Variants in PDE4D observed in about 807,000 individuals in gnomAD.
PDE4D encodes the protein 3',5'-cyclic-AMP phosphodiesterase 4D.
A neutral mutation model predicts 87.4 loss-of-function variants in PDE4D; 24 were observed. That is an observed-to-expected ratio of 0.27 (90% CI 0.20 to 0.39). The LOEUF is 0.39. Among genes scored for constraint, PDE4D ranks in the 10% least tolerant of loss-of-function variants. PDE4D has a pLI of 1.00. For missense variants in PDE4D, 714 were observed against 1,041.0 expected (o/e 0.69, Z 4.32); for synonymous variants, 384 against 383.2 (o/e 1.00, Z -0.02).
chr5:59,944,565 G>T (rs1173377350), intron 3 of PDE4D, among the ~76,000 whole-genome samples: 2 of 152,132 alleles, frequency 1.3e-5, no homozygotes, highest in Admixed American at 6.5e-5. Context: ...TAGAGACAGG[G>T]TTTCACCGTG....
intron 1 of PDE4D, among the ~76,000 whole-genome samples, chr5:60,230,412 G>A (rs1449037191): frequency 6.6e-6 from 1 of 152,056 alleles, no homozygotes; most frequent in East Asian, 1.9e-4. Context: ...GATGTCCTTT[G>A]CAAAGTGGAA....
In PDE4D at chr5:60,022,585, CTCTG is replaced by C. The variant is rs770475501; in HGVS notation, c.43-33872_43-33869del. On this transcript the variant is annotated intron_variant, in intron 2 of 16. Transcript: ENST00000502484. ...GTTCTTGAGAGCATCCCAGCTCTCT[CTCTG>C]TCTAAGATGTCACATCCCTCATTAC... The C allele has an allele frequency of 6.6e-5, 10 of 152,326 alleles. No homozygotes were observed. In the East Asian group the frequency reaches 1.7e-3, roughly 26 times the overall value. The allele number at this position is 152,326 out of a possible 1,614,324, so 9.4% of individuals were successfully genotyped here.
chr5:60,205,656 C>T (rs1386120980), intron 1 of PDE4D, among the ~76,000 whole-genome samples: 5 of 151,764 alleles, frequency 3.3e-5, no homozygotes, highest in Non-Finnish European at 7.4e-5. Flanking sequence ...GAGGCCAAGG[C>T]GGGTGGATCA....
At chr5:60,069,755 C>A (rs138776357) in intron 2 of PDE4D, among the ~76,000 whole-genome samples, 199 of 151,998 alleles carry the variant, frequency 1.3e-3, no homozygotes, top group African/African-American at 4.6e-3. Flanking sequence ...TGCATTGAAT[C>A]TGTAGATTTC....
chr5:59,394,080 C>T (rs1197548204), intron 1 of PDE4D, among the ~76,000 whole-genome samples: 3 of 152,142 alleles, frequency 2.0e-5, no homozygotes, highest in Admixed American at 2.0e-4. Context: ...CTTTAGTGAT[C>T]TCAAGTGGTT....
intron 2 of PDE4D, 38 bp downstream of exon 2, chr5:59,215,739 A>T: frequency 6.4e-7 from 1 of 1,561,238 alleles, no homozygotes; most frequent in South Asian, 1.1e-5. Flanking sequence ...ATATAAATTT[A>T]CTCGGTTTTC....
chr5:59,393,106 T>C (rs1399335175), intron 1 of PDE4D, among the ~76,000 whole-genome samples: 1 of 152,136 alleles, frequency 6.6e-6, no homozygotes, highest in African/African-American at 2.4e-5. Context: ...TGTTAATTTC[T>C]GATGTAAAAG....
In PDE4D at chr5:60,065,474, A is replaced by G. The variant is rs1771947124; in HGVS notation, c.43-76757T>C. On this transcript the variant is annotated intron_variant, in intron 2 of 16. Transcript: ENST00000502484. ...TATTATACTCTAAGTTTTAGGGTAC[A>G]TGTGTACAATGTGCAGGTTAGTTAC... Among the ~76,000 whole-genome samples the G allele has an allele frequency of 1.3e-5, 2 of 152,078 alleles. 1 individual carries two copies. The highest frequency in any genetic ancestry group is 4.1e-4 in the South Asian group (2 of 4,832).
rs143028983 is a variant in PDE4D, at chr5:60,288,000, AAAT to A, written c.-89-102316_-89-102314del. On this transcript the variant is annotated intron_variant, in intron 1 of 16. Coordinates refer to the PDE4D transcript ENST00000502484. Reference sequence around the variant, plus strand: ...TAGCATCAATATTGTACCTAGAGCTAAATAAAATATTGATTTAACTAAATCATA... The same window carrying A: ...TAGCATCAATATTGTACCTAGAGCTAAAAATATTGATTTAACTAAATCATA... Among the ~76,000 whole-genome samples the A allele has an allele frequency of 2.1e-3, 326 of 152,336 alleles. 1 individual carries two copies. The highest frequency in any genetic ancestry group is 7.6e-3 in the African/African-American group (315 of 41,586).
intron 2 of PDE4D, among the ~76,000 whole-genome samples, chr5:60,166,127 C>A (rs150025927): frequency 6.6e-6 from 1 of 152,236 alleles, no homozygotes; most frequent in African/African-American, 2.4e-5. Flanking sequence ...CTGAGTCTTG[C>A]TCTGTCGCCC....
intron 1 of PDE4D, among the ~76,000 whole-genome samples, chr5:60,424,361 T>G (rs1447740503): frequency 6.6e-6 from 1 of 152,238 alleles, no homozygotes. Flanking sequence ...ATCCCAGGGA[T>G]GCAAGGCTGG....
chr5:59,538,834 C>A (rs943044386), intron 1 of PDE4D, among the ~76,000 whole-genome samples: 1 of 152,188 alleles, frequency 6.6e-6, no homozygotes, highest in African/African-American at 2.4e-5. Context: ...GTCCTCTCTG[C>A]ACCCTAAACT....
At chr5:59,762,253 CACATATGCGTATATGT>C (rs1475886071) in intron 1 of PDE4D, among the ~76,000 whole-genome samples, 2 of 126,666 alleles carry the variant, frequency 1.6e-5, no homozygotes, top group Non-Finnish European at 3.4e-5. Flanking sequence ...TATATGGGTA[CACATATGCGTATATGT>C]GTATATGGGT....
At chr5:59,025,045 T>G (rs1755947893) in intron 6 of PDE4D, among the ~76,000 whole-genome samples, 1 of 152,198 alleles carries the variant, frequency 6.6e-6, no homozygotes. Context: ...AATTAGGACT[T>G]TAGTTTTCCT....
At chr5:59,386,080 T>C (rs1349645542) in intron 1 of PDE4D, among the ~76,000 whole-genome samples, 2 of 152,178 alleles carry the variant, frequency 1.3e-5, no homozygotes, top group African/African-American at 4.8e-5. Context: ...AGCCTTCTCT[T>C]CCATTCTCAC....
chr5:59,860,959 A>T (rs1447046334), intron 1 of PDE4D, among the ~76,000 whole-genome samples: 2 of 151,838 alleles, frequency 1.3e-5, no homozygotes, highest in African/African-American at 4.8e-5. Flanking sequence ...CCCGGGTTCA[A>T]GCGATTCTCC....
chr5:59,428,617 T>C (rs192381143), intron 1 of PDE4D, among the ~76,000 whole-genome samples: 1 of 152,278 alleles, frequency 6.6e-6, no homozygotes, highest in East Asian at 1.9e-4. Flanking sequence ...CCATTCCAAG[T>C]GTATTGTTTT....
rs190904226 is a variant in PDE4D at position 60,020,008 on chromosome 5, T to C, written c.43-31291A>G. 1.2e-3 allele frequency among the ~76,000 whole-genome samples: 190 copies of C among 152,314 alleles called. 2 individuals are homozygous for C. The highest frequency in any genetic ancestry group is 0.011 in the Admixed American group (172 of 15,294). On this transcript the variant is annotated intron_variant, in intron 2 of 16. Coordinates refer to the PDE4D transcript ENST00000502484. ...ACTAAGATTAATCATTTCTAGCTTT[T>C]AATTTAAAGAAAAAGATTGAAAACT...
chr5:59,118,716 G>A (rs1025603881), intron 5 of PDE4D, among the ~76,000 whole-genome samples: 6 of 152,208 alleles, frequency 3.9e-5, no homozygotes, highest in Admixed American at 6.5e-5. Flanking sequence ...GTGTTTAGAT[G>A]TCTGTACTTG....
Sources: allele counts gnomAD v4.1 joint callset (sites outside exome capture counted in the v4.1 genomes callset), GRCh38; gene constraint gnomAD v4.1.1; transcripts MANE v1.5; gene names NCBI Gene and HGNC (gene_info 2026-07-23, HGNC 2026-07-21).